STIM1: variants seen among roughly 807,000 people sequenced by gnomAD.
The protein encoded by STIM1 is stromal interaction molecule 1.
A neutral mutation model predicts 74.7 loss-of-function variants in STIM1; 25 were observed. The observed-to-expected ratio is 0.33, with a 90% CI of 0.24 to 0.47. STIM1 has a LOEUF of 0.47. Among genes scored for constraint, STIM1 ranks in the 20% least tolerant of loss-of-function variants. The probability of loss-of-function intolerance (pLI) is 1.00; values close to 1 mark genes in which losing one functional copy is unlikely to be tolerated. For synonymous variants in STIM1, 328 were observed against 348.8 expected, an observed-to-expected ratio of 0.94 and a Z score of 0.66; for missense variants, 728 against 920.8, an observed-to-expected ratio of 0.79 and a Z score of 2.71.
chr11:3,863,185 C>T (rs977036064), intron 1 of STIM1, among the ~76,000 whole-genome samples: 2 of 150,604 alleles, frequency 1.3e-5, no homozygotes, highest in African/African-American at 2.4e-5. Flanking sequence ...TGAGCCACCA[C>T]GCCTGGCCAC....
chr11:4,030,676 A>C (rs1490038472), intron 3 of STIM1, among the ~76,000 whole-genome samples: 2 of 152,212 alleles, frequency 1.3e-5, no homozygotes, highest in African/African-American at 2.4e-5. Flanking sequence ...TTGTATACTG[A>C]TAATAAAAAC....
At chr11:3,862,014 C>T (rs1488178692) in intron 1 of STIM1, among the ~76,000 whole-genome samples, 1 of 152,016 alleles carries the variant, frequency 6.6e-6, no homozygotes, top group Non-Finnish European at 1.5e-5. Context: ...TTGGGAAACT[C>T]AGCAGGTTTG....
At chr11:3,926,434 A>G (rs1486757258) in intron 1 of STIM1, among the ~76,000 whole-genome samples, 1 of 152,196 alleles carries the variant, frequency 6.6e-6, no homozygotes, top group Non-Finnish European at 1.5e-5. Flanking sequence ...AAGAGTTTTA[A>G]TTTTTCTTTT....
chr11:4,064,926 A>G (rs1008630545), intron 5 of STIM1, among the ~76,000 whole-genome samples: 4 of 152,208 alleles, frequency 2.6e-5, no homozygotes, highest in Non-Finnish European at 4.4e-5. Context: ...TCCATCTTCT[A>G]CTTCCATTAG....
At chr11:3,866,510 TC>T (rs2090863528) in intron 1 of STIM1, among the ~76,000 whole-genome samples, 1 of 151,806 alleles carries the variant, frequency 6.6e-6, no homozygotes, top group South Asian at 2.1e-4. Flanking sequence ...CACTGCAACT[TC>T]CGCCTCCTGG....
rs920883663 is a variant in STIM1 at position 4,082,348 on chromosome 11, G to A, written c.1134G>A (p.Glu378=). 16 of 1,610,906 alleles carry A rather than the reference G, an allele frequency of 9.9e-6. No individual in the cohort carries two copies. The highest frequency in any genetic ancestry group is 1.2e-5 in the Non-Finnish European group (14 of 1,179,042). Residue 378 remains glutamate (E), a synonymous_variant, in exon 8 of 13, where the codon GAG becomes GAA. Coordinates refer to ENST00000526596, the MANE Select transcript of STIM1 (RefSeq NM_001382567.1). ...NAEKQLLVAK[E]GAEKIKKKRN... ...AGAAGCAGCTGCTGGTGGCCAAGGAGGGGGTGAGAACAGCCCTTCTATTGT... is the reference window on the plus strand; with the variant it reads ...AGAAGCAGCTGCTGGTGGCCAAGGAAGGGGTGAGAACAGCCCTTCTATTGT...
chr11:3,904,100 G>A (rs1260305694), intron 1 of STIM1, among the ~76,000 whole-genome samples: 1 of 148,976 alleles, frequency 6.7e-6, no homozygotes, highest in Non-Finnish European at 1.5e-5. Context: ...AGGAGGCTGA[G>A]GCAGGAGAAT....
At chr11:3,966,037 CA>C (rs978287455) in intron 1 of STIM1, among the ~76,000 whole-genome samples, 2 of 151,300 alleles carry the variant, frequency 1.3e-5, no homozygotes, top group African/African-American at 2.4e-5. Context: ...AACAAAAAAC[CA>C]AAAAAAACCC....
At chr11:4,072,633 G>A (rs888789199) in intron 6 of STIM1, among the ~76,000 whole-genome samples, 1 of 152,102 alleles carries the variant, frequency 6.6e-6, no homozygotes, top group Non-Finnish European at 1.5e-5. Context: ...ACTATGAAAG[G>A]GTGTCAGTCT....
chr11:4,037,126 G>C (rs1361346642), intron 3 of STIM1, among the ~76,000 whole-genome samples: 1 of 151,668 alleles, frequency 6.6e-6, no homozygotes, highest in Admixed American at 6.6e-5. Context: ...CATGATCTCG[G>C]CTCACTGCAA....
intron 2 of STIM1, among the ~76,000 whole-genome samples, chr11:3,994,959 G>A (rs962186260): frequency 1.3e-5 from 2 of 151,902 alleles, no homozygotes; most frequent in African/African-American, 2.4e-5. Context: ...TTCAGTTATT[G>A]TACTTTTCAA....
At chr11:4,010,467 G>A (rs1047321923) in intron 2 of STIM1, among the ~76,000 whole-genome samples, 2 of 151,980 alleles carry the variant, frequency 1.3e-5, no homozygotes, top group African/African-American at 2.4e-5. Context: ...CACTGCGCCC[G>A]GCCAAAATTT....
At chr11:4,083,543 A>T in intron 10 of STIM1, 45 bp downstream of exon 10, 1 of 1,559,158 alleles carries the variant, frequency 6.4e-7, no homozygotes, top group Non-Finnish European at 8.7e-7. Flanking sequence ...CCTTTGATGT[A>T]CAGGTTGAGA....
chr11:3,889,565 G>A (rs528663741), intron 1 of STIM1, among the ~76,000 whole-genome samples: 1 of 152,096 alleles, frequency 6.6e-6, no homozygotes, highest in South Asian at 2.1e-4. Context: ...AGTAGAGATG[G>A]AGTTTCACCG....
chr11:4,002,215 C>G (rs1419022181), intron 2 of STIM1, among the ~76,000 whole-genome samples: 14 of 150,724 alleles, frequency 9.3e-5, no homozygotes, highest in Non-Finnish European at 1.9e-4. Context: ...AGGAATTGAA[C>G]TCAGCTCTGC....
chr11:4,006,002 G>T (rs1802159308), intron 2 of STIM1, among the ~76,000 whole-genome samples: 1 of 152,144 alleles, frequency 6.6e-6, no homozygotes, highest in Admixed American at 6.5e-5. Flanking sequence ...TTCAGATCTG[G>T]AACATGTGAC....
intron 10 of STIM1, 109 bp from the exon 11 acceptor site, chr11:4,084,564 T>G: frequency 1.2e-6 from 1 of 852,312 alleles, no homozygotes; most frequent in Non-Finnish European, 1.7e-6. Flanking sequence ...TAATTAGCTC[T>G]GAGCTACCCA....
At chr11:4,046,183 G>A (rs575719228) in intron 3 of STIM1, among the ~76,000 whole-genome samples, 14 of 143,996 alleles carry the variant, frequency 9.7e-5, no homozygotes, top group African/African-American at 3.3e-4. Context: ...TCATGCCTTA[G>A]CCTCCCAAGT....
At chr11:4,052,630 A>G (rs1356923676) in intron 3 of STIM1, among the ~76,000 whole-genome samples, 2 of 152,240 alleles carry the variant, frequency 1.3e-5, no homozygotes, top group African/African-American at 2.4e-5. Flanking sequence ...AAAACCATGA[A>G]AACCCTAGAA....
Sources: gnomAD v4.1 joint callset for allele counts (sites outside exome capture counted in the v4.1 genomes callset) on GRCh38, gnomAD v4.1.1 for gene constraint, MANE v1.5 for transcripts, NCBI Gene and HGNC (gene_info 2026-07-23, HGNC 2026-07-21) for gene names.